The following SYNE2 variants were observed in gnomAD, a reference collection of about 807,000 sequenced individuals.
SYNE2 encodes nesprin-2.
SYNE2 carries 431 observed loss-of-function variants against 856.3 expected under a neutral mutation model. The observed-to-expected ratio is 0.50, with a 90% CI of 0.47 to 0.55. The LOEUF (loss-of-function observed/expected upper bound fraction) is 0.55, where lower values mean the gene tolerates loss of function less well. Among genes scored for constraint, SYNE2 ranks in the 20% least tolerant of loss-of-function variants. SYNE2 has a pLI of 0.00. For missense variants in SYNE2, 8,129 were observed against 8,023.2 expected (o/e 1.01, Z -0.50); for synonymous variants, 2,923 against 2,872.3 (o/e 1.02, Z -0.56).
At chr14:64,148,620 C>G (rs1453601912) in intron 84 of SYNE2, among the ~76,000 whole-genome samples, 1 of 152,228 alleles carries the variant, frequency 6.6e-6, no homozygotes, top group African/African-American at 2.4e-5. Context: ...TGCCCACTGA[C>G]TGTGCCTTCC....
chr14:64,162,314 C>T (rs1356583693), intron 88 of SYNE2, 38 bp downstream of exon 88: 11 of 1,599,664 alleles, frequency 6.9e-6, no homozygotes, highest in Non-Finnish European at 9.4e-6. Context: ...AAGGCCAAGT[C>T]AGCCCAACAG....
chr14:63,832,867 A>G (rs1418710991), intron 1 of SYNE2, among the ~76,000 whole-genome samples: 1 of 28,058 alleles, frequency 3.6e-5, no homozygotes, highest in African/African-American at 8.6e-5. Flanking sequence ...TGTCTCTACC[A>G]AAAAAAAAAA....
At position 64,208,860 on chromosome 14, in the gene SYNE2, G is replaced by A. The variant is rs560736067; in HGVS notation, c.18304G>A (p.Glu6102Lys). Residue 6102 changes from glutamate to lysine, a missense_variant, in exon 101 of 116, where the codon GAG becomes AAG. Glu to Lys is a moderately conservative substitution (Grantham distance 56). This residue lies in a region of SYNE2 where 5,410 missense variants were observed against 5,284.8 expected (regional missense o/e 1.02). Coordinates refer to ENST00000555002, the MANE Select transcript of SYNE2 (RefSeq NM_182914.3). Reference protein sequence around the residue: ...HDSDACANETECDSIQQTTRS... With the variant: ...HDSDACANETKCDSIQQTTRS... Reference sequence around the variant, plus strand: ...CTCCGATGCCTGTGCAAATGAGACCGAGTGTGACTCGATCCAGCAGACCAC... The same window carrying A: ...CTCCGATGCCTGTGCAAATGAGACCAAGTGTGACTCGATCCAGCAGACCAC... 98 of 1,614,092 alleles carry A rather than the reference G, an allele frequency of 6.1e-5. No individual in the cohort carries two copies. The highest frequency in any genetic ancestry group is 4.2e-4 in the Admixed American group (25 of 60,008).
In SYNE2 at chr14:64,209,481, T is replaced by C. The variant is rs1261523127; in HGVS notation, c.18443T>C (p.Phe6148Ser). The change falls in exon 102 of 116, where the codon TTT (phenylalanine) becomes TCT (serine). Residue 6148 changes from phenylalanine to serine, a missense_variant. Physicochemically the swap from Phe to Ser is radical, Grantham distance 155. This residue lies in a region of SYNE2 where 5,410 missense variants were observed against 5,284.8 expected (regional missense o/e 1.02). Coordinates refer to ENST00000555002, the MANE Select transcript of SYNE2 (RefSeq NM_182914.3). ...AAGTTTTTAGACGACTATTCTCGCT[T>C]TGAGGACTGGCTCAAGTCAGCTGAG... The part of the protein sequence containing the change: ...WQKFLDDYSR[F>S]EDWLKSAERT... The C allele has an allele frequency of 1.2e-6, 2 of 1,614,212 alleles. No individual in the cohort carries two copies.
chr14:63,830,249 G>C (rs563706465), intron 1 of SYNE2, among the ~76,000 whole-genome samples: 1 of 151,152 alleles, frequency 6.6e-6, no homozygotes, highest in South Asian at 2.1e-4. Flanking sequence ...TGGGGTGAAG[G>C]CTAAACAGTG....
intron 90 of SYNE2, 119 bp from the exon 91 acceptor site, chr14:64,167,114 G>C (rs201532529): frequency 7.9e-7 from 1 of 1,271,724 alleles, no homozygotes; most frequent in South Asian, 1.3e-5. Flanking sequence ...TTGACTGTGG[G>C]CAAGTCATTT....
rs761535648 is a variant in SYNE2 at position 64,113,369 on chromosome 14, C to CTCTGGACTCT, written c.12643_12652dup (p.Asp4218GlyfsTer4). The CTCTGGACTCT allele has an allele frequency of 6.2e-7, 1 of 1,614,078 alleles. No individual in the cohort carries two copies. The highest frequency in any genetic ancestry group is 8.5e-7 in the Non-Finnish European group (1 of 1,180,032). On this transcript the variant is annotated frameshift_variant, in exon 66 of 116. Coordinates refer to ENST00000555002, the MANE Select transcript of SYNE2 (RefSeq NM_182914.3). LOFTEE classifies it high-confidence loss of function. The stretch of plus-strand genomic sequence containing the variant: ...ACCACACCTCCTATTGAGGCTGACA[C>CTCTGGACTCT]TCTGGACTCTTCTGACGCGCAAGGA...
Position 64,024,904 on chromosome 14 carries a change from T to C in SYNE2, c.5841-8T>C. On this transcript the variant is annotated splice_region_variant and splice_polypyrimidine_tract_variant and intron_variant, in intron 39 of 115. Coordinates refer to ENST00000555002, the MANE Select transcript of SYNE2 (RefSeq NM_182914.3). The stretch of plus-strand genomic sequence containing the variant: ...TTTTGTATTTAAACATGTGTAATGC[T>C]CTTTTAGACTCCAGGATGACCATAG... 1 of 1,613,802 alleles carries C rather than the reference T, an allele frequency of 6.2e-7. No homozygotes were observed.
chr14:63,868,573 A>G (rs1420398852), intron 1 of SYNE2, among the ~76,000 whole-genome samples: 3 of 152,158 alleles, frequency 2.0e-5, no homozygotes, highest in Admixed American at 6.5e-5. Context: ...AATTCTAGCT[A>G]CTTTGCCTAA....
rs759934507 is a variant in SYNE2, at chr14:64,070,695, A to T, written c.10482A>T (p.Glu3494Asp). The T allele has an allele frequency of 1.9e-6, 3 of 1,613,896 alleles. No homozygotes were observed. The African/African-American group carries it at 4.0e-5, about 22-fold the overall frequency. The stretch of plus-strand genomic sequence containing the variant: ...ATAATCTTCAGGAAGAACTCCCTGA[A>T]ATTTCCAAAACAAAAGAGGCAGCCA... ...ILDNLQEELP[E>D]ISKTKEAATT... The change falls in exon 52 of 116, where the codon GAA (glutamate) becomes GAT (aspartate). Residue 3494 changes from glutamate (E) to aspartate (D), a missense_variant. Glu to Asp is a conservative substitution (Grantham distance 45). Coordinates refer to ENST00000555002, the MANE Select transcript of SYNE2 (RefSeq NM_182914.3).
chr14:64,113,832 T>C (rs1002908023), intron 66 of SYNE2, among the ~76,000 whole-genome samples: 2 of 152,184 alleles, frequency 1.3e-5, no homozygotes, highest in Non-Finnish European at 1.5e-5. Flanking sequence ...GAAGTGAACT[T>C]CTCAGCCTCA....
chr14:63,783,456 C>G lies in SYNE2; in HGVS notation c.-305+21470C>G, dbSNP rs181815929. Among the ~76,000 whole-genome samples, 290 of 152,278 alleles carry G rather than the reference C, an allele frequency of 1.9e-3. 2 individuals carry two copies. Among genetic ancestry groups the G allele is most frequent in the Non-Finnish European group, 3.4e-3 (232 of 68,032 alleles). Reference sequence around the variant, plus strand: ...GCAGTGGCGCGATCTTGGCTCACTGCAACCTCCGCCTCCCGGGTTCAAGGA... The same window carrying G: ...GCAGTGGCGCGATCTTGGCTCACTGGAACCTCCGCCTCCCGGGTTCAAGGA... On this transcript the variant is annotated intron_variant, in intron 1 of 23. Transcript: ENST00000674003.
chr14:64,090,878 A>C lies in SYNE2; in HGVS notation c.11806A>C (p.Asn3936His). The change falls in exon 60 of 116, where the codon AAT becomes CAT. Residue 3936 changes from asparagine (N) to histidine (H), a missense_variant. Asn to His is a moderately conservative substitution (Grantham distance 68). Coordinates refer to ENST00000555002, the MANE Select transcript of SYNE2 (RefSeq NM_182914.3). ...HLKHGEVILE[N>H]IRPMKKTIAE... ...TTATATAATTAAGGTCATACTTGAA[A>C]ATATACGTCCCATGAAGAAAACCAT... 6.2e-7 allele frequency: 1 copy of C among 1,614,054 alleles called. No homozygotes were observed. Among genetic ancestry groups the C allele is most frequent in the South Asian group, 1.1e-5 (1 of 91,048 alleles).
At chr14:63,854,325 C>A (rs964012430) in intron 1 of SYNE2, among the ~76,000 whole-genome samples, 4 of 152,162 alleles carry the variant, frequency 2.6e-5, no homozygotes, top group African/African-American at 9.7e-5. Flanking sequence ...TACACCTGGC[C>A]TTCTCACCAC....
chr14:64,190,000 T>C, intron 98 of SYNE2, 71 bp from the exon 99 acceptor site: 1 of 1,527,020 alleles, frequency 6.5e-7, no homozygotes, highest in Non-Finnish European at 9.1e-7. Context: ...GAGGTAACTC[T>C]ATGTCTGTGG....
chr14:64,009,677 A>G (rs2096828706), intron 31 of SYNE2, among the ~76,000 whole-genome samples: 1 of 152,036 alleles, frequency 6.6e-6, no homozygotes, highest in African/African-American at 2.4e-5. Flanking sequence ...TGAAATTGAG[A>G]TGCTGATTCC....
At chr14:63,766,959 T>A (rs959463042) in intron 1 of SYNE2, among the ~76,000 whole-genome samples, 1 of 151,982 alleles carries the variant, frequency 6.6e-6, no homozygotes, top group African/African-American at 2.4e-5. Flanking sequence ...GAGTCCATGA[T>A]TAGAAAGTTA....
intron 1 of SYNE2, among the ~76,000 whole-genome samples, chr14:63,872,077 G>A (rs1032649780): frequency 4.6e-5 from 7 of 152,104 alleles, no homozygotes; most frequent in African/African-American, 1.7e-4. Flanking sequence ...TGTGGGCCCG[G>A]CCGTGTCAAG....
intron 2 of SYNE2, among the ~76,000 whole-genome samples, chr14:63,919,766 T>C (rs2095574897): frequency 6.6e-6 from 1 of 152,070 alleles, no homozygotes; most frequent in South Asian, 2.1e-4. Flanking sequence ...GTAAGGTCAG[T>C]ACAGAGAGGA....
Sources: allele counts gnomAD v4.1 joint callset (sites outside exome capture counted in the v4.1 genomes callset), GRCh38; gene constraint gnomAD v4.1.1; regional missense constraint gnomAD v4.1.1; transcripts MANE v1.5; gene names NCBI Gene and HGNC (gene_info 2026-07-23, HGNC 2026-07-21).